TCF3: variants seen among roughly 807,000 people sequenced by gnomAD.
TCF3 encodes the protein transcription factor 3.
TCF3 carries 54 observed loss-of-function variants against 72.3 expected under a neutral mutation model. That is an observed-to-expected ratio of 0.75 (90% CI 0.60 to 0.94). The LOEUF is 0.94. TCF3 is among the 40% of genes least tolerant of loss of function. The pLI is 0.00. For missense variants in TCF3, 1,078 were observed against 934.4 expected (o/e 1.15, Z -2.00); for synonymous variants, 525 against 412.6 (o/e 1.27, Z -3.30).
chr19:1,627,297 G>C (rs2063003616), intron 6 of TCF3, 62 bp downstream of exon 6: 2 of 1,420,194 alleles, frequency 1.4e-6, no homozygotes, highest in African/African-American at 1.4e-5. Context: ...GCAGATCAGA[G>C]AGGGTGGGTG....
At chr19:1,620,876 C>T (rs1371580364) in intron 13 of TCF3, 92 bp downstream of exon 13, 2 of 1,269,060 alleles carry the variant, frequency 1.6e-6, no homozygotes, top group Non-Finnish European at 2.1e-6. Context: ...ACCAGCCTCC[C>T]CTCCCCCGCA....
chr19:1,618,410 T>G (rs769769097), intron 16 of TCF3, among the ~76,000 whole-genome samples: 19 of 152,056 alleles, frequency 1.2e-4, no homozygotes, highest in Non-Finnish European at 2.2e-4. Context: ...TCAGGTCCCA[T>G]CCCTCCTCAG....
chr19:1,636,098 T>C (rs1391926704), intron 3 of TCF3, among the ~76,000 whole-genome samples: 1 of 152,182 alleles, frequency 6.6e-6, no homozygotes, highest in African/African-American at 2.4e-5. Flanking sequence ...TCATGACGGG[T>C]GAGATCAGAC....
At chr19:1,638,437 C>T (rs1197847698) in intron 3 of TCF3, among the ~76,000 whole-genome samples, 4 of 152,180 alleles carry the variant, frequency 2.6e-5, no homozygotes, top group South Asian at 2.1e-4. Flanking sequence ...CGCCCACCAC[C>T]GCGCCCGGCT....
intron 16 of TCF3, among the ~76,000 whole-genome samples, chr19:1,618,281 C>T (rs1339850310): frequency 6.6e-6 from 1 of 152,114 alleles, no homozygotes; most frequent in Non-Finnish European, 1.5e-5. Flanking sequence ...GCAGGGCCCA[C>T]CCACTGCTCA....
rs536670064 is a variant in TCF3 at position 1,610,827 on chromosome 19, G to T, written c.*880C>A. ...GGTGCCTTCATCAGGGAACGCCCAC[G>T]CATCACTTTCCACATGACAAAACCA... On this transcript the variant is annotated 3_prime_UTR_variant, in exon 19 of 19. Coordinates refer to ENST00000262965, the MANE Select transcript of TCF3 (RefSeq NM_003200.5). The T allele has an allele frequency of 4.9e-6, 1 of 204,782 alleles. No homozygotes were observed. The highest frequency in any genetic ancestry group is 9.6e-6 in the Non-Finnish European group (1 of 104,154). 12.7% of individuals were successfully genotyped at this position (204,782 alleles called of 1,614,324 possible).
At chr19:1,616,462 A>G (rs1366203485) in intron 16 of TCF3, 1 of 151,824 alleles carries the variant, frequency 6.6e-6, no homozygotes, top group Admixed American at 6.6e-5. Flanking sequence ...TGACAAAGCA[A>G]GACTCCGTCT....
intron 3 of TCF3, among the ~76,000 whole-genome samples, chr19:1,645,057 G>T (rs1191508019): frequency 6.6e-6 from 1 of 152,104 alleles, no homozygotes; most frequent in East Asian, 1.9e-4. Context: ...CACGTAGAGG[G>T]GAAGGCCAGT....
chr19:1,621,092 C>G, intron 12 of TCF3, 41 bp downstream of exon 12: 2 of 1,522,092 alleles, frequency 1.3e-6, no homozygotes, highest in Non-Finnish European at 1.8e-6. Flanking sequence ...GCCGGCCTCT[C>G]AGGTCACTTG....
chr19:1,612,043 G>A (rs1019620937), intron 18 of TCF3, among the ~76,000 whole-genome samples, 194 bp from the exon 19 acceptor site: 1 of 152,000 alleles, frequency 6.6e-6, no homozygotes, highest in African/African-American at 2.4e-5. Context: ...AAAGAAGAGA[G>A]TGGGTATCAG....
intron 3 of TCF3, among the ~76,000 whole-genome samples, chr19:1,639,148 A>G (rs759124594): frequency 1.3e-5 from 2 of 152,210 alleles, no homozygotes; most frequent in Non-Finnish European, 2.9e-5. Flanking sequence ...GGTTCAAGTG[A>G]TTCTCCTGCC....
chr19:1,650,603 G>A, intron 1 of TCF3: 1 of 283,388 alleles, frequency 3.5e-6, no homozygotes. Flanking sequence ...AGTTTAAACT[G>A]CACGCAGGGC....
intron 1 of TCF3, chr19:1,650,820 C>T: frequency 4.3e-6 from 1 of 231,612 alleles, no homozygotes; most frequent in East Asian, 6.1e-5. Context: ...ATCCACAAGT[C>T]AGAAAACCAC....
At position 1,619,764 on chromosome 19, in the gene TCF3, C is replaced by CG; in HGVS notation, c.1167+15dup. On this transcript the variant is annotated intron_variant, in intron 14 of 18. Coordinates refer to ENST00000262965, the MANE Select transcript of TCF3 (RefSeq NM_003200.5). Reference sequence around the variant, plus strand: ...TCTGTCGGGGAAGGGTGGGGTGGGGCGGGGCAGGCACTCACCAGGCCGTGG... The same window carrying CG: ...TCTGTCGGGGAAGGGTGGGGTGGGGCGGGGGCAGGCACTCACCAGGCCGTGG... 4.4e-6 allele frequency: 3 copies of CG among 678,960 alleles called. No individual in the cohort carries two copies. Among genetic ancestry groups the CG allele is most frequent in the Non-Finnish European group, 4.1e-6 (2 of 489,506 alleles). 42.1% of individuals were successfully genotyped at this position (678,960 alleles called of 1,614,324 possible).
intron 3 of TCF3, among the ~76,000 whole-genome samples, chr19:1,637,011 T>C (rs1263452376): frequency 6.6e-6 from 1 of 152,128 alleles, no homozygotes; most frequent in African/African-American, 2.4e-5. Context: ...AGAGGCACAG[T>C]GAGGCTGTGC....
chr19:1,631,408 A>G (rs2063699474), intron 5 of TCF3, among the ~76,000 whole-genome samples: 1 of 151,998 alleles, frequency 6.6e-6, no homozygotes, highest in Non-Finnish European at 1.5e-5. Flanking sequence ...AGTTGGCACT[A>G]TAAGCATCCA....
chr19:1,627,773 C>T (rs563354792), intron 5 of TCF3, among the ~76,000 whole-genome samples: 28 of 141,360 alleles, frequency 2.0e-4, no homozygotes, highest in African/African-American at 2.4e-4. Context: ...GCAGAGCTCA[C>T]GGGGTGAGGT....
At chr19:1,634,542 G>A (rs578097016) in intron 3 of TCF3, among the ~76,000 whole-genome samples, 5 of 152,332 alleles carry the variant, frequency 3.3e-5, no homozygotes, top group South Asian at 2.1e-4. Flanking sequence ...CTGGGCTGCC[G>A]TGAGGATAAC....
At chr19:1,629,405 A>G (rs2063415859) in intron 5 of TCF3, among the ~76,000 whole-genome samples, 1 of 152,098 alleles carries the variant, frequency 6.6e-6, no homozygotes, top group East Asian at 1.9e-4. Flanking sequence ...CACCCCACCA[A>G]TGAGCACTTC....
Sources: allele counts gnomAD v4.1 joint callset (sites outside exome capture counted in the v4.1 genomes callset), GRCh38; gene constraint gnomAD v4.1.1; transcripts MANE v1.5; gene names NCBI Gene and HGNC (gene_info 2026-07-23, HGNC 2026-07-21).